Variants in STK39 observed in about 807,000 individuals in gnomAD.
STK39 encodes serine/threonine kinase 39.
Under a neutral mutation model 77.8 loss-of-function variants are expected in STK39, and 20 were observed. That is an observed-to-expected ratio of 0.26 (90% confidence interval 0.18 to 0.37). The LOEUF (loss-of-function observed/expected upper bound fraction) is 0.37. STK39 is among the 10% of genes least tolerant of loss of function. The pLI is 1.00. For missense variants in STK39, 479 were observed against 656.5 expected (o/e 0.73, Z 2.95); for synonymous variants, 246 against 234.1 (o/e 1.05, Z -0.47).
At chr2:168,094,204 G>A (rs903142757) in intron 10 of STK39, among the ~76,000 whole-genome samples, 2 of 152,174 alleles carry the variant, frequency 1.3e-5, no homozygotes, top group African/African-American at 4.8e-5. Context: ...CAGTCATCCA[G>A]GCTCAAATTC....
At chr2:168,000,240 T>C (rs1351823287) in intron 16 of STK39, among the ~76,000 whole-genome samples, 1 of 152,182 alleles carries the variant, frequency 6.6e-6, no homozygotes, top group Admixed American at 6.5e-5. Context: ...TTATTCTAAG[T>C]GCAGAGTTCT....
At chr2:168,232,028 C>A in intron 1 of STK39, 2 of 245,310 alleles carry the variant, frequency 8.2e-6, no homozygotes, top group Non-Finnish European at 1.8e-5. Flanking sequence ...GGATGGTGCA[C>A]TCCTTACAAT....
chr2:168,168,587 T>A (rs1239247891), intron 2 of STK39, among the ~76,000 whole-genome samples: 1 of 152,346 alleles, frequency 6.6e-6, no homozygotes, highest in Non-Finnish European at 1.5e-5. Context: ...TCTTTGCTTG[T>A]CCAGTACTGC....
chr2:168,166,269 G>C (rs1267883885), intron 3 of STK39, among the ~76,000 whole-genome samples: 2 of 152,180 alleles, frequency 1.3e-5, no homozygotes, highest in Non-Finnish European at 2.9e-5. Flanking sequence ...GCCTTGGACA[G>C]GATCTAGCCA....
intron 1 of STK39, among the ~76,000 whole-genome samples, chr2:168,200,444 T>G (rs1163392878): frequency 2.0e-5 from 3 of 151,974 alleles, no homozygotes; most frequent in Non-Finnish European, 4.4e-5. Flanking sequence ...GCAGGTGGAT[T>G]GCTTGAAACC....
intron 16 of STK39, among the ~76,000 whole-genome samples, chr2:167,978,080 C>A (rs974465994): frequency 6.6e-6 from 1 of 152,092 alleles, no homozygotes; most frequent in Non-Finnish European, 1.5e-5. Flanking sequence ...GTGATGCCAG[C>A]TGGTGCACTG....
chr2:168,137,959 G>A, intron 8 of STK39, 129 bp downstream of exon 8: 1 of 1,293,348 alleles, frequency 7.7e-7, no homozygotes, highest in Non-Finnish European at 1.0e-6. Context: ...GGAAATCTGG[G>A]GACCACAGCA....
At chr2:168,219,455 G>A (rs1690109575) in intron 1 of STK39, among the ~76,000 whole-genome samples, 1 of 152,104 alleles carries the variant, frequency 6.6e-6, no homozygotes, top group Non-Finnish European at 1.5e-5. Context: ...CTTCCTCAGG[G>A]AGAAGGAGGC....
chr2:168,209,742 T>C (rs1689836992), intron 1 of STK39, among the ~76,000 whole-genome samples: 1 of 152,166 alleles, frequency 6.6e-6, no homozygotes, highest in Non-Finnish European at 1.5e-5. Flanking sequence ...CTCACGCCTG[T>C]AATCCCAACA....
rs187337885 is a variant in STK39 at position 168,047,328 on chromosome 2, T to G, written c.1376+16172A>C. On this transcript the variant is annotated intron_variant, in intron 14 of 17. Coordinates refer to ENST00000355999, the MANE Select transcript of STK39 (RefSeq NM_013233.3). Reference sequence around the variant, plus strand: ...AAATGGTATAGCCATGCTGTGGTAATACACATTCATTTTAAGTGCTTTAGA... The same window carrying G: ...AAATGGTATAGCCATGCTGTGGTAAGACACATTCATTTTAAGTGCTTTAGA... Among the ~76,000 whole-genome samples, 4 of 152,348 alleles carry G rather than the reference T, an allele frequency of 2.6e-5. No homozygotes were observed. The East Asian group carries it at 7.7e-4, about 29-fold the overall frequency.
intron 16 of STK39, among the ~76,000 whole-genome samples, chr2:168,005,136 G>C (rs963085769): frequency 7.9e-5 from 12 of 151,476 alleles, no homozygotes. Context: ...CTCCTGAGTA[G>C]CTGGGATTAC....
At chr2:168,110,894 C>T (rs922539709) in intron 10 of STK39, among the ~76,000 whole-genome samples, 1 of 152,118 alleles carries the variant, frequency 6.6e-6, no homozygotes, top group Non-Finnish European at 1.5e-5. Flanking sequence ...ATTGAGTCTT[C>T]TTATCCATGA....
chr2:168,013,793 GGTGTGTGTGTGTGTGTGTGT>G (rs4000936), intron 15 of STK39, among the ~76,000 whole-genome samples: 5,098 of 147,732 alleles, frequency 0.035, 224 homozygotes, highest in East Asian at 0.21. Flanking sequence ...TAAGTGGGCT[GGTGTGTGTGTGTGTGTGTGT>G]GTGTGTGTGT....
At chr2:168,115,691 A>T (rs1190365318) in intron 10 of STK39, among the ~76,000 whole-genome samples, 1 of 152,234 alleles carries the variant, frequency 6.6e-6, no homozygotes, top group Non-Finnish European at 1.5e-5. Flanking sequence ...TTGCAGGTAG[A>T]TTGCAGGACA....
intron 10 of STK39, among the ~76,000 whole-genome samples, chr2:168,086,736 T>C (rs542586366): frequency 2.0e-5 from 3 of 152,294 alleles, no homozygotes; most frequent in South Asian, 2.1e-4. Context: ...CAAACATTGC[T>C]CTTCAGATAA....
In STK39 at chr2:168,220,203, T is replaced by A. The variant is rs1272158626; in HGVS notation, c.208+27025A>T. ...CCGAAGTGCTGGGATCACAAGCATG[T>A]GCCAATAATGAAAGGAAACTAAACA... On this transcript the variant is annotated intron_variant, in intron 1 of 17. Coordinates refer to ENST00000355999, the MANE Select transcript of STK39 (RefSeq NM_013233.3). Among the ~76,000 whole-genome samples, 3 of 152,104 alleles carry A rather than the reference T, an allele frequency of 2.0e-5. No individual in the cohort carries two copies. In the East Asian group the frequency reaches 5.8e-4, roughly 29 times the overall value.
At chr2:168,133,006 A>G (rs1443776948) in intron 8 of STK39, among the ~76,000 whole-genome samples, 1 of 152,222 alleles carries the variant, frequency 6.6e-6, no homozygotes, top group Admixed American at 6.5e-5. Context: ...AACAGGAGAA[A>G]GACTTAATGA....
intron 1 of STK39, among the ~76,000 whole-genome samples, chr2:168,217,587 G>A (rs569303837): frequency 1.1e-4 from 17 of 152,262 alleles, no homozygotes; most frequent in African/African-American, 3.4e-4. Flanking sequence ...CAAAATTCAT[G>A]GATGCTCAAG....
chr2:168,050,360 G>A (rs1008925750), intron 14 of STK39, among the ~76,000 whole-genome samples: 3 of 152,176 alleles, frequency 2.0e-5, no homozygotes, highest in Non-Finnish European at 2.9e-5. Flanking sequence ...TAATAGCTCC[G>A]AAATACGTCC....
Sources: gnomAD v4.1 joint callset for allele counts (sites outside exome capture counted in the v4.1 genomes callset) on GRCh38, gnomAD v4.1.1 for gene constraint, MANE v1.5 for transcripts, NCBI Gene and HGNC (gene_info 2026-07-23, HGNC 2026-07-21) for gene names.